Variants in UBE2U observed in about 807,000 individuals in gnomAD.
UBE2U encodes ubiquitin conjugating enzyme E2 U.
UBE2U carries 39 observed loss-of-function variants against 41.2 expected under a neutral mutation model. The ratio of observed to expected loss-of-function variants is 0.95; its 90% CI spans 0.73 to 1.24. The LOEUF (loss-of-function observed/expected upper bound fraction) is 1.24. Among genes scored for constraint, UBE2U ranks in the 50% most tolerant of loss-of-function variants. UBE2U has a pLI of 0.00. For missense variants in UBE2U, 336 were observed against 363.1 expected, an observed-to-expected ratio of 0.93 and a Z score of 0.61; for synonymous variants, 107 against 117.8, an observed-to-expected ratio of 0.91 and a Z score of 0.60.
chr1:64,234,715 T>C (rs766079098), intron 7 of UBE2U, among the ~76,000 whole-genome samples: 4 of 152,266 alleles, frequency 2.6e-5, no homozygotes, highest in Non-Finnish European at 5.9e-5. Context: ...GTATAAAATA[T>C]TGATTATTTT....
chr1:64,230,110 A>G (rs989053726), intron 6 of UBE2U, among the ~76,000 whole-genome samples: 1 of 152,198 alleles, frequency 6.6e-6, no homozygotes, highest in African/African-American at 2.4e-5. Flanking sequence ...CAACCAGTCC[A>G]GTCAATTTTT....
chr1:64,259,795 A>T (rs1284154639), intron 8 of UBE2U, among the ~76,000 whole-genome samples: 1 of 152,020 alleles, frequency 6.6e-6, no homozygotes, highest in Non-Finnish European at 1.5e-5. Flanking sequence ...TGTCTCCCAT[A>T]AGCCTGTTGT....
chr1:64,210,796 G>A lies in UBE2U; in HGVS notation c.296G>A (p.Trp99Ter), dbSNP rs764816048. The change falls in exon 4 of 10, where the codon TGG becomes TAG. Residue 99 changes from tryptophan to a stop codon, truncating the protein, a stop_gained. Transcript: ENST00000371077. LOFTEE classifies it high-confidence loss of function. ...CIDFLDNPEK[W>*]NTNYTLSSIL... ...GACTTTTTGGACAACCCTGAGAAGT[G>A]GAATACAAACTATACATTGAGCAGC... 6 of 1,607,140 alleles carry A rather than the reference G, an allele frequency of 3.7e-6. No individual in the cohort carries two copies. The African/African-American group carries it at 8.0e-5, about 22-fold the overall frequency.
intron 8 of UBE2U, among the ~76,000 whole-genome samples, chr1:64,242,820 T>C (rs986377807): frequency 1.3e-5 from 2 of 152,196 alleles, no homozygotes; most frequent in Non-Finnish European, 2.9e-5. Flanking sequence ...AGTATAAGCA[T>C]GTTTTTTTCC....
chr1:64,210,618 GAGA>G (rs1651604869), intron 3 of UBE2U, 121 bp from the exon 4 acceptor site: 1 of 628,720 alleles, frequency 1.6e-6, no homozygotes, highest in African/African-American at 1.9e-5. Flanking sequence ...TCAGTACAGA[GAGA>G]AGAACTAGGA....
At chr1:64,244,275 G>C in intron 8 of UBE2U, 1 of 1,235,172 alleles carries the variant, frequency 8.1e-7, no homozygotes, top group Non-Finnish European at 1.0e-6. Flanking sequence ...AAGTTGTTTT[G>C]CATTTGACGC....
At chr1:64,209,173 A>G (rs1284746251) in intron 3 of UBE2U, among the ~76,000 whole-genome samples, 1 of 152,080 alleles carries the variant, frequency 6.6e-6, no homozygotes, top group Non-Finnish European at 1.5e-5. Flanking sequence ...GTGTGCCTTT[A>G]TTTGTTTAAA....
intron 1 of UBE2U, 79 bp downstream of exon 1, chr1:64,204,195 A>T (rs553816390): frequency 7.2e-7 from 1 of 1,393,608 alleles, no homozygotes; most frequent in African/African-American, 1.4e-5. Flanking sequence ...TTTATTCTAT[A>T]AGTAGTAATT....
At chr1:64,206,661 C>A in intron 2 of UBE2U, 103 bp from the exon 3 acceptor site, 1 of 673,914 alleles carries the variant, frequency 1.5e-6, no homozygotes. Context: ...AAAAATAAAA[C>A]TGTGGAAAGA....
At chr1:64,264,494 T>C (rs942005703) in intron 9 of UBE2U, among the ~76,000 whole-genome samples, 2 of 152,252 alleles carry the variant, frequency 1.3e-5, no homozygotes, top group African/African-American at 4.8e-5. Context: ...TTTTGCATTA[T>C]AGTCTGCTGA....
At chr1:64,256,192 G>A (rs749412665) in intron 8 of UBE2U, among the ~76,000 whole-genome samples, 113 of 152,112 alleles carry the variant, frequency 7.4e-4, no homozygotes, top group Non-Finnish European at 1.3e-3. Flanking sequence ...TGGCCATACT[G>A]CCCAAAGTGA....
chr1:64,220,891 C>A lies in UBE2U; in HGVS notation c.490C>A (p.Pro164Thr), dbSNP rs370900770. The change falls in exon 6 of 10, where the codon CCA becomes ACA. Residue 164 changes from proline to threonine, a missense_variant. By Grantham distance (38) the Pro-to-Thr change is conservative (BLOSUM62 -1). Transcript: ENST00000371077. ...KDDSQELPKD[P>T]RKCIRPIKTT... The stretch of plus-strand genomic sequence containing the variant: ...TGACAGCCAGGAGTTACCTAAAGAC[C>A]CACGTAAATGTATCAGGTAAGTTTT... 1 of 1,605,304 alleles carries A rather than the reference C, an allele frequency of 6.2e-7. No homozygotes were observed. Among genetic ancestry groups the A allele is most frequent in the Admixed American group, 1.7e-5 (1 of 57,908 alleles).
chr1:64,211,711 A>G (rs1002067362), intron 4 of UBE2U, among the ~76,000 whole-genome samples: 2 of 152,156 alleles, frequency 1.3e-5, no homozygotes, highest in African/African-American at 4.8e-5. Context: ...AAAATGCTGG[A>G]ATTACAGGCA....
At chr1:64,266,513 G>A (rs1645256879) in intron 9 of UBE2U, among the ~76,000 whole-genome samples, 1 of 152,098 alleles carries the variant, frequency 6.6e-6, no homozygotes, top group East Asian at 1.9e-4. Context: ...TATAGCTGTC[G>A]ACGGGTTAGC....
intron 3 of UBE2U, among the ~76,000 whole-genome samples, chr1:64,207,791 A>G (rs77903642): frequency 0.037 from 5,652 of 152,282 alleles, 341 homozygotes; most frequent in African/African-American, 0.13. Flanking sequence ...ACTGTATGGA[A>G]AATATGACAC....
chr1:64,212,340 A>G (rs997680039), intron 4 of UBE2U, among the ~76,000 whole-genome samples: 12 of 152,154 alleles, frequency 7.9e-5, no homozygotes, highest in African/African-American at 2.9e-4. Context: ...AACTGGTGAA[A>G]ATTTTGAATT....
At chr1:64,207,088 T>C (rs151085963) in intron 3 of UBE2U, among the ~76,000 whole-genome samples, 12 of 152,350 alleles carry the variant, frequency 7.9e-5, no homozygotes, top group African/African-American at 2.4e-4. Context: ...TAAGTATGAA[T>C]TTTTTCTATA....
intron 3 of UBE2U, among the ~76,000 whole-genome samples, chr1:64,209,885 T>G (rs1020215435): frequency 6.6e-6 from 1 of 152,226 alleles, no homozygotes; most frequent in Non-Finnish European, 1.5e-5. Context: ...TAATAAGCAC[T>G]TCTTTGAATA....
At chr1:64,220,096 A>G (rs1038669933) in intron 5 of UBE2U, among the ~76,000 whole-genome samples, 12 of 152,166 alleles carry the variant, frequency 7.9e-5, no homozygotes, top group African/African-American at 2.2e-4. Context: ...TGGACATATG[A>G]TGAATGGACT....
Sources: gnomAD v4.1 joint callset for allele counts (sites outside exome capture counted in the v4.1 genomes callset) on GRCh38, gnomAD v4.1.1 for gene constraint, MANE v1.5 for transcripts, NCBI Gene and HGNC (gene_info 2026-07-23, HGNC 2026-07-21) for gene names.